Variants in SMN1 observed in about 807,000 individuals in gnomAD.
SMN1 encodes survival motor neuron protein.
For synonymous variants in SMN1, 3 were observed against 5.1 expected, an observed-to-expected ratio of 0.58 and a Z score of 0.56; for missense variants, 15 against 17.1, an observed-to-expected ratio of 0.88 and a Z score of 0.22.
chr5:70,956,673 A>G (rs1355073597), downstream of SMN1, among the ~76,000 whole-genome samples: 1 of 150,312 alleles, frequency 6.7e-6, no homozygotes, highest in Non-Finnish European at 1.5e-5. Context: ...CCATTGGTCT[A>G]TATCTCTGTT....
the SMN1 span, among the ~76,000 whole-genome samples, chr5:70,963,908 G>A: frequency 2.3e-5 from 2 of 85,616 alleles, no homozygotes; most frequent in Non-Finnish European, 2.5e-5. Flanking sequence ...TTTTTGAGAC[G>A]GAGTCTTGCT....
chr5:70,950,800 G>A (rs1210024916), intron 7 of SMN1, among the ~76,000 whole-genome samples: 2 of 146,092 alleles, frequency 1.4e-5, no homozygotes, highest in Admixed American at 6.9e-5. Flanking sequence ...CACCACACCC[G>A]GCTAATTTTT....
downstream of SMN1, among the ~76,000 whole-genome samples, chr5:70,955,652 G>T: frequency 6.8e-6 from 1 of 146,736 alleles, no homozygotes. Context: ...CGGCATGGTG[G>T]TGGGCGCCTG....
At chr5:70,959,001 G>A in the SMN1 span, among the ~76,000 whole-genome samples, 1 of 149,876 alleles carries the variant, frequency 6.7e-6, no homozygotes, top group East Asian at 1.9e-4. Flanking sequence ...GACTTGGAAC[G>A]AACCCAAATG....
chr5:70,959,215 A>G, the SMN1 span, among the ~76,000 whole-genome samples: 17 of 148,220 alleles, frequency 1.1e-4, no homozygotes, highest in Non-Finnish European at 1.5e-4. Flanking sequence ...ATGAGAACAC[A>G]TGGACACAGG....
At chr5:70,959,248 G>T in the SMN1 span, among the ~76,000 whole-genome samples, 1 of 149,168 alleles carries the variant, frequency 6.7e-6, no homozygotes, top group Non-Finnish European at 1.5e-5. Context: ...ACACTCTGGG[G>T]ACTGTTGTGG....
intron 7 of SMN1, among the ~76,000 whole-genome samples, chr5:70,950,402 A>G (rs1749658609): frequency 6.7e-6 from 1 of 148,830 alleles, no homozygotes; most frequent in African/African-American, 2.5e-5. Flanking sequence ...GGGCAACAAG[A>G]GCGAAACTCC....
At chr5:70,960,164 A>G in the SMN1 span, among the ~76,000 whole-genome samples, 1 of 150,416 alleles carries the variant, frequency 6.6e-6, no homozygotes, top group African/African-American at 2.4e-5. Context: ...AGAACTTTTA[A>G]TTTTCTGTTG....
chr5:70,960,820 T>C, the SMN1 span, among the ~76,000 whole-genome samples: 11 of 149,344 alleles, frequency 7.4e-5, no homozygotes, highest in East Asian at 2.0e-4. Flanking sequence ...CTCAGTCTTC[T>C]CAGTAGCTGG....
At chr5:70,960,335 T>C in the SMN1 span, among the ~76,000 whole-genome samples, 1 of 148,558 alleles carries the variant, frequency 6.7e-6, no homozygotes, top group African/African-American at 2.5e-5. Flanking sequence ...TCAATACTCA[T>C]GGCAGTTTCA....
the SMN1 span, among the ~76,000 whole-genome samples, chr5:70,960,264 T>C: frequency 9.4e-5 from 14 of 148,432 alleles, no homozygotes; most frequent in Non-Finnish European, 1.8e-4. Flanking sequence ...CAATTCTCTT[T>C]ATTTGTAGAA....
the SMN1 span, among the ~76,000 whole-genome samples, chr5:70,959,173 G>T: frequency 6.7e-6 from 1 of 148,494 alleles, no homozygotes; most frequent in African/African-American, 2.5e-5. Flanking sequence ...ACCAAACACC[G>T]CATGTTCTCA....
chr5:70,950,369 A>T (rs1351141423), intron 7 of SMN1, among the ~76,000 whole-genome samples: 2 of 148,360 alleles, frequency 1.3e-5, no homozygotes, highest in Non-Finnish European at 3.0e-5. Context: ...GTGAGCCAAG[A>T]TTGCACCATT....
intron 7 of SMN1, among the ~76,000 whole-genome samples, chr5:70,950,632 GTTTTGTT>G (rs1390162276): frequency 2.4e-5 from 3 of 125,630 alleles, no homozygotes; most frequent in Non-Finnish European, 3.4e-5. Context: ...TTTGTGTTTT[GTTTTGTT>G]TTTTGTTTTT....
chr5:70,955,015 C>A (rs1275065950), downstream of SMN1, among the ~76,000 whole-genome samples: 1 of 133,222 alleles, frequency 7.5e-6, no homozygotes, highest in African/African-American at 2.8e-5. Flanking sequence ...AGTTCAAGAC[C>A]AGCATAAGCA....
downstream of SMN1, chr5:70,953,161 TTTTG>T (rs2112835942): frequency 1.4e-5 from 1 of 68,992 alleles, no homozygotes; most frequent in Admixed American, 2.0e-4. Context: ...ATATTCTTAT[TTTTG>T]TTTGTTTTTG....
chr5:70,959,255 G>T, the SMN1 span, among the ~76,000 whole-genome samples: 1 of 149,440 alleles, frequency 6.7e-6, no homozygotes, highest in Non-Finnish European at 1.5e-5. Flanking sequence ...GGGGACTGTT[G>T]TGGGGTGGGG....
downstream of SMN1, among the ~76,000 whole-genome samples, chr5:70,955,637 T>C (rs1561504813): frequency 6.9e-6 from 1 of 144,890 alleles, no homozygotes; most frequent in East Asian, 2.1e-4. Context: ...AAAAAAAAAT[T>C]AGCTCGGCAT....
the SMN1 span, among the ~76,000 whole-genome samples, chr5:70,959,988 G>A: frequency 1.5e-5 from 2 of 135,030 alleles, no homozygotes; most frequent in Admixed American, 7.8e-5. Flanking sequence ...TTCAGTAGAG[G>A]TTATATTAAT....
Sources: allele counts gnomAD v4.1 joint callset (sites outside exome capture counted in the v4.1 genomes callset), GRCh38; gene constraint gnomAD v4.1.1; transcripts MANE v1.5; gene names NCBI Gene and HGNC (gene_info 2026-07-23, HGNC 2026-07-21).